Variants in MAP4K5 observed in about 807,000 individuals in gnomAD.
The protein encoded by MAP4K5 is MAPK/ERK kinase kinase kinase 5.
In MAP4K5, 82 loss-of-function variants were observed where a neutral mutation model predicts 135.6. The ratio of observed to expected loss-of-function variants is 0.60; its 90% confidence interval spans 0.51 to 0.73. The LOEUF (loss-of-function observed/expected upper bound fraction) is 0.73, where lower values mean the gene tolerates loss of function less well. MAP4K5 is among the 30% of genes least tolerant of loss of function. MAP4K5 has a pLI of 0.00. For missense variants in MAP4K5, 907 were observed against 1,010.9 expected (o/e 0.90, Z 1.39); for synonymous variants, 347 against 335.0 (o/e 1.04, Z -0.39).
At chr14:50,460,708 C>G (rs1302899899) in intron 13 of MAP4K5, among the ~76,000 whole-genome samples, 1 of 152,094 alleles carries the variant, frequency 6.6e-6, no homozygotes, top group African/African-American at 2.4e-5. Context: ...CAGGATTATG[C>G]TATATACCAG....
At chr14:50,534,622 C>G (rs1200518270), upstream of MAP4K5, among the ~76,000 whole-genome samples, 2 of 152,254 alleles carry the variant, frequency 1.3e-5, no homozygotes, top group South Asian at 2.1e-4. Flanking sequence ...ATGGCAGATC[C>G]ATATGCTTTG....
At chr14:50,516,495 T>C (rs1198551426) in intron 2 of MAP4K5, among the ~76,000 whole-genome samples, 2 of 152,196 alleles carry the variant, frequency 1.3e-5, no homozygotes, top group African/African-American at 2.4e-5. Context: ...TTAGAATAAG[T>C]AGTCAGAAGA....
intron 2 of MAP4K5, among the ~76,000 whole-genome samples, chr14:50,521,583 C>T (rs906692798): frequency 6.6e-6 from 1 of 152,160 alleles, no homozygotes; most frequent in Non-Finnish European, 1.5e-5. Context: ...ACAAATCACA[C>T]ACTGATCATG....
chr14:50,481,182 G>T (rs1170639029), intron 6 of MAP4K5, among the ~76,000 whole-genome samples: 1 of 151,310 alleles, frequency 6.6e-6, no homozygotes, highest in Admixed American at 6.6e-5. Flanking sequence ...TGCTATGAGT[G>T]TATAATTAAG....
intron 30 of MAP4K5, among the ~76,000 whole-genome samples, chr14:50,427,478 C>T (rs1239931631): frequency 3.9e-5 from 6 of 151,946 alleles, no homozygotes; most frequent in Admixed American, 3.9e-4. Context: ...GTGGATAAAA[C>T]TCCAATTGAG....
intron 9 of MAP4K5, among the ~76,000 whole-genome samples, chr14:50,472,911 A>G (rs942358391): frequency 2.0e-5 from 3 of 152,194 alleles, no homozygotes; most frequent in African/African-American, 7.2e-5. Context: ...CAAAACATGC[A>G]CATGAATATT....
intron 2 of MAP4K5, among the ~76,000 whole-genome samples, chr14:50,523,960 C>A (rs2038206279): frequency 6.6e-6 from 1 of 152,188 alleles, no homozygotes; most frequent in African/African-American, 2.4e-5. Flanking sequence ...AATAAACAAA[C>A]AAGGCTCCAG....
chr14:50,509,203 C>T (rs1348707079), intron 2 of MAP4K5, among the ~76,000 whole-genome samples: 35 of 134,638 alleles, frequency 2.6e-4, no homozygotes, highest in African/African-American at 9.5e-4. Context: ...GGACACAGGG[C>T]AGGGAACATC....
chr14:50,456,569 A>C lies in MAP4K5; in HGVS notation c.962T>G (p.Ile321Ser). The change falls in exon 14 of 33, where the codon ATT becomes AGT. Residue 321 changes from isoleucine (I) to serine (S), a missense_variant. Physicochemically the swap from Ile to Ser is moderately radical, Grantham distance 142 (BLOSUM62 -2). Around this residue, in one of 3 missense-constraint regions of MAP4K5, gnomAD observed 690 missense variants for 777.4 expected, o/e 0.89. Coordinates refer to ENST00000682126, the MANE Select transcript of MAP4K5 (RefSeq NM_006575.6). ...FEPHAIIRHT[I>S]RSTNRNARAE... ...TCTGGCATTCCTGTTTGTAGATCTA[A>C]TGGTATGACGAATGATTGCATGGGG... 2 of 1,576,886 alleles carry C rather than the reference A, an allele frequency of 1.3e-6. No homozygotes were observed. The highest frequency in any genetic ancestry group is 1.7e-6 in the Non-Finnish European group (2 of 1,159,870).
chr14:50,439,937 A>C, intron 23 of MAP4K5, 76 bp downstream of exon 23: 1 of 1,278,262 alleles, frequency 7.8e-7, no homozygotes, highest in Non-Finnish European at 1.1e-6. Flanking sequence ...ATTACAAATA[A>C]CATTTAAAAA....
intron 2 of MAP4K5, among the ~76,000 whole-genome samples, chr14:50,539,952 A>G (rs1385628196): frequency 6.6e-6 from 1 of 152,106 alleles, no homozygotes; most frequent in Non-Finnish European, 1.5e-5. Context: ...CATTCTGCTT[A>G]GTCAAACTCT....
At chr14:50,488,198 A>G (rs1051540413) in intron 3 of MAP4K5, among the ~76,000 whole-genome samples, 19 of 152,122 alleles carry the variant, frequency 1.2e-4, no homozygotes, top group African/African-American at 4.6e-4. Flanking sequence ...TGTGTGTTAC[A>G]GGAACTGTCA....
At chr14:50,516,727 G>T (rs2038041484) in intron 2 of MAP4K5, among the ~76,000 whole-genome samples, 1 of 152,118 alleles carries the variant, frequency 6.6e-6, no homozygotes, top group South Asian at 2.1e-4. Flanking sequence ...AACTGTAGTT[G>T]TATAAAGGCT....
At chr14:50,545,826 C>T (rs1303246960) in intron 1 of MAP4K5, among the ~76,000 whole-genome samples, 1 of 152,146 alleles carries the variant, frequency 6.6e-6, no homozygotes, top group East Asian at 1.9e-4. Context: ...TTCTAGGACG[C>T]CAGCTGGTTA....
chr14:50,503,387 A>T (rs2037746523), intron 3 of MAP4K5, among the ~76,000 whole-genome samples: 1 of 152,134 alleles, frequency 6.6e-6, no homozygotes, highest in Non-Finnish European at 1.5e-5. Context: ...AACATAAAAT[A>T]ATCAGTAGCT....
intron 28 of MAP4K5, among the ~76,000 whole-genome samples, chr14:50,431,786 T>C (rs1041627706): frequency 1.6e-4 from 25 of 152,128 alleles, no homozygotes; most frequent in Admixed American, 9.2e-4. Flanking sequence ...GATGGCTGGG[T>C]CAAATGGTAT....
At position 50,445,181 on chromosome 14, in the gene MAP4K5, C is replaced by T; in HGVS notation, c.1199G>A (p.Ser400Asn). The T allele has an allele frequency of 6.2e-7, 1 of 1,613,226 alleles. No individual in the cohort carries two copies. The highest frequency in any genetic ancestry group is 1.7e-4 in the Middle Eastern group (1 of 6,054). The change falls in exon 18 of 33, where the codon AGT becomes AAT. Residue 400 changes from serine to asparagine, a missense_variant. Physicochemically the swap from Ser to Asn is conservative, Grantham distance 46. Around this residue, in one of 3 missense-constraint regions of MAP4K5, gnomAD observed 690 missense variants for 777.4 expected, o/e 0.89. Transcript: ENST00000682126. ...ATCCGGAAAGTTGTCTTCAGGGTAA[C>T]TGCTTATCCTTGGCTAGTGGTACAA... is the stretch of plus-strand genomic sequence containing the variant. Reference protein sequence around the residue: ...PPLPPKPRISSYPEDNFPDEE... With the variant: ...PPLPPKPRISNYPEDNFPDEE...
intron 2 of MAP4K5, among the ~76,000 whole-genome samples, chr14:50,519,091 T>C (rs1355645328): frequency 1.3e-5 from 2 of 152,168 alleles, no homozygotes; most frequent in East Asian, 1.9e-4. Flanking sequence ...TGTATGTTTG[T>C]ATATAATGAA....
intron 6 of MAP4K5, among the ~76,000 whole-genome samples, chr14:50,481,230 T>A (rs1456185381): frequency 6.6e-6 from 1 of 151,434 alleles, no homozygotes; most frequent in African/African-American, 2.4e-5. Context: ...TAGGTTTCTA[T>A]GTTATGTAAA....
Sources: gnomAD v4.1 joint callset for allele counts (sites outside exome capture counted in the v4.1 genomes callset) on GRCh38, gnomAD v4.1.1 for gene constraint, gnomAD v4.1.1 regional missense constraint, MANE v1.5 for transcripts, NCBI Gene and HGNC (gene_info 2026-07-23, HGNC 2026-07-21) for gene names.